Variants in IGF2BP2 observed in about 807,000 individuals in gnomAD.
IGF2BP2 encodes the protein insulin-like growth factor 2 mRNA-binding protein 2.
IGF2BP2 carries 17 observed loss-of-function variants against 75.8 expected under a neutral mutation model. The observed-to-expected ratio is 0.22, with a 90% confidence interval of 0.15 to 0.34. IGF2BP2 has a LOEUF of 0.34. IGF2BP2 is among the 10% of genes least tolerant of loss of function. The probability of loss-of-function intolerance (pLI) is 1.00; values close to 1 mark genes in which losing one functional copy is unlikely to be tolerated. For missense variants in IGF2BP2, 516 were observed against 772.4 expected (o/e 0.67, Z 3.93); for synonymous variants, 288 against 295.6 (o/e 0.97, Z 0.26).
chr3:185,645,585 C>G lies in IGF2BP2; in HGVS notation c.1746G>C (p.Val582=), dbSNP rs1028410056. The G allele has an allele frequency of 6.2e-7, 1 of 1,613,814 alleles. No homozygotes were observed. Among genetic ancestry groups the G allele is most frequent in the African/African-American group, 1.3e-5 (1 of 74,924 alleles). Residue 582 remains valine, a synonymous_variant, in exon 16 of 16, where the codon GTG becomes GTC. Coordinates refer to ENST00000382199, the MANE Select transcript of IGF2BP2 (RefSeq NM_006548.6). The surrounding 1 kb of genome is among the most constrained non-coding windows in gnomAD (Gnocchi z 4.9). ...GAGGGTATTTCTGCTCCTGCTGCTT[C>G]ACCTGTTGTACAATTTCCCTGATCT... is the stretch of plus-strand genomic sequence containing the variant. ...QRKIREIVQQ[V]KQQEQKYPQG... is the part of the protein sequence containing the mutation.
intron 2 of IGF2BP2, among the ~76,000 whole-genome samples, chr3:185,741,355 G>T (rs1458464541): frequency 1.3e-5 from 2 of 152,176 alleles, no homozygotes; most frequent in Admixed American, 1.3e-4. Context: ...GCAAGCAGAA[G>T]TACAATTTTG....
chr3:185,675,004 C>CT (rs1218267725), intron 9 of IGF2BP2: 1 of 159,716 alleles, frequency 6.3e-6, no homozygotes, highest in African/African-American at 3.2e-5. Context: ...GTTATTCTTG[C>CT]TTTTCTTTTT....
intron 2 of IGF2BP2, among the ~76,000 whole-genome samples, chr3:185,782,323 C>T (rs191951286): frequency 3.9e-5 from 6 of 152,262 alleles, no homozygotes; most frequent in Admixed American, 1.3e-4. Flanking sequence ...TAAAATCACA[C>T]GGCTAATTTC....
At chr3:185,726,332 T>C (rs1023892742) in intron 2 of IGF2BP2, among the ~76,000 whole-genome samples, 1 of 151,986 alleles carries the variant, frequency 6.6e-6, no homozygotes, top group Admixed American at 6.6e-5. Context: ...ACACACAAAC[T>C]GGGGAATGAA....
chr3:185,757,528 G>C (rs182872817), intron 2 of IGF2BP2, among the ~76,000 whole-genome samples: 37 of 139,750 alleles, frequency 2.6e-4, no homozygotes, highest in African/African-American at 9.2e-4. Context: ...GCAGTGGCAC[G>C]ATCATGGCTC....
At chr3:185,662,928 C>T (rs1430897848) in intron 10 of IGF2BP2, among the ~76,000 whole-genome samples, 1 of 152,138 alleles carries the variant, frequency 6.6e-6, no homozygotes, top group Non-Finnish European at 1.5e-5. Context: ...GATCCATCTG[C>T]CTCGGCCTCC....
chr3:185,676,791 A>AATATATATATATTTACTGGAG (rs1218740964), intron 7 of IGF2BP2, among the ~76,000 whole-genome samples: 11 of 143,906 alleles, frequency 7.6e-5, no homozygotes, highest in East Asian at 6.0e-4. Context: ...ATTTACTGGA[A>AATATATATATATTTACTGGAG]ATATATATAT....
intron 7 of IGF2BP2, among the ~76,000 whole-genome samples, chr3:185,686,337 T>C (rs1275474434): frequency 3.3e-5 from 5 of 150,732 alleles, no homozygotes; most frequent in Admixed American, 6.6e-5. Flanking sequence ...TGAGACAAGA[T>C]TGCACTACTG....
At chr3:185,744,867 C>T (rs140618487) in intron 2 of IGF2BP2, among the ~76,000 whole-genome samples, 6 of 152,282 alleles carry the variant, frequency 3.9e-5, no homozygotes, top group African/African-American at 1.4e-4. Context: ...TTAAACTCAG[C>T]ATATCATGTT....
At chr3:185,820,030 A>G (rs574962113) in intron 2 of IGF2BP2, among the ~76,000 whole-genome samples, 16 of 152,124 alleles carry the variant, frequency 1.1e-4, no homozygotes, top group Non-Finnish European at 2.1e-4. Flanking sequence ...TTCCTACACT[A>G]TCTCATACTA....
intron 2 of IGF2BP2, among the ~76,000 whole-genome samples, chr3:185,725,605 T>C (rs1727214081): frequency 6.6e-6 from 1 of 152,124 alleles, no homozygotes; most frequent in Non-Finnish European, 1.5e-5. Flanking sequence ...GGAGAGGAGG[T>C]AAATTCCATT....
At chr3:185,767,792 T>C (rs1733294368) in intron 2 of IGF2BP2, 2 of 154,180 alleles carry the variant, frequency 1.3e-5, no homozygotes, top group Admixed American at 6.5e-5. Flanking sequence ...GTTCAGGGGA[T>C]ATATTTTAGT....
At chr3:185,732,855 G>T (rs763280235) in intron 2 of IGF2BP2, among the ~76,000 whole-genome samples, 86 of 152,128 alleles carry the variant, frequency 5.7e-4, no homozygotes, top group Non-Finnish European at 1.1e-3. Flanking sequence ...TCCCCTGTAG[G>T]CCTCACAGAT....
At chr3:185,759,459 G>A (rs898796370) in intron 2 of IGF2BP2, among the ~76,000 whole-genome samples, 26 of 152,206 alleles carry the variant, frequency 1.7e-4, no homozygotes, top group African/African-American at 6.0e-4. Flanking sequence ...GACACTAAAT[G>A]TAAGTATTCA....
chr3:185,700,143 A>G (rs1723096182), intron 2 of IGF2BP2, among the ~76,000 whole-genome samples: 1 of 152,054 alleles, frequency 6.6e-6, no homozygotes. Context: ...ATGTTTCTCC[A>G]GGGCTTTAAT....
chr3:185,820,062 A>G (rs541589466), intron 2 of IGF2BP2, among the ~76,000 whole-genome samples: 1 of 152,138 alleles, frequency 6.6e-6, no homozygotes, highest in South Asian at 2.1e-4. Context: ...TCAGTGAAAG[A>G]ATGTCTAGAA....
At chr3:185,787,499 G>C (rs1440954251) in intron 2 of IGF2BP2, among the ~76,000 whole-genome samples, 1 of 152,200 alleles carries the variant, frequency 6.6e-6, no homozygotes, top group Non-Finnish European at 1.5e-5. Context: ...TTGGGAGGCC[G>C]AGGTGGGCAG....
intron 2 of IGF2BP2, among the ~76,000 whole-genome samples, chr3:185,732,131 C>A (rs1437436711): frequency 6.6e-6 from 1 of 152,096 alleles, no homozygotes; most frequent in African/African-American, 2.4e-5. Context: ...CTCCTCTCTG[C>A]CCCCGGGAAC....
intron 2 of IGF2BP2, among the ~76,000 whole-genome samples, chr3:185,714,906 T>C (rs1725363525): frequency 6.6e-6 from 1 of 152,242 alleles, no homozygotes; most frequent in Non-Finnish European, 1.5e-5. Context: ...TCATTTCACT[T>C]ATTCCACAGA....
Sources: allele counts gnomAD v4.1 joint callset (sites outside exome capture counted in the v4.1 genomes callset), GRCh38; gene constraint gnomAD v4.1.1; non-coding constraint Gnocchi (gnomAD v3.1); transcripts MANE v1.5; gene names NCBI Gene and HGNC (gene_info 2026-07-23, HGNC 2026-07-21).